The following ZCCHC7 variants were observed in gnomAD, a reference collection of about 807,000 sequenced individuals.
ZCCHC7 encodes zinc finger CCHC-type containing 7, also known as zinc finger CCHC domain-containing protein 7.
Under a neutral mutation model 52.0 loss-of-function variants are expected in ZCCHC7, and 35 were observed. That is an observed-to-expected ratio of 0.67 (90% CI 0.51 to 0.89). The LOEUF is 0.89. Among genes scored for constraint, ZCCHC7 ranks in the 40% least tolerant of loss-of-function variants. ZCCHC7 has a pLI of 0.00. For missense variants in ZCCHC7, 574 were observed against 649.1 expected, an observed-to-expected ratio of 0.88 and a Z score of 1.26; for synonymous variants, 217 against 221.5, an observed-to-expected ratio of 0.98 and a Z score of 0.18.
chr9:37,287,210 T>G (rs975783362), intron 2 of ZCCHC7, among the ~76,000 whole-genome samples: 7 of 149,684 alleles, frequency 4.7e-5, no homozygotes, highest in Non-Finnish European at 8.9e-5. Context: ...TTTCTTTCTC[T>G]AGAAAAGTCT....
intron 2 of ZCCHC7, among the ~76,000 whole-genome samples, chr9:37,293,398 GA>G (rs1828628563): frequency 6.6e-6 from 1 of 152,158 alleles, no homozygotes; most frequent in Non-Finnish European, 1.5e-5. Context: ...GTAGCTTCCA[GA>G]TTGCTAGCTA....
intron 5 of ZCCHC7, among the ~76,000 whole-genome samples, chr9:37,316,901 A>C (rs986928856): frequency 1.3e-5 from 2 of 151,760 alleles, no homozygotes; most frequent in African/African-American, 4.8e-5. Flanking sequence ...CAATAGAAAA[A>C]AAATTGCAGG....
intron 7 of ZCCHC7, among the ~76,000 whole-genome samples, chr9:37,349,750 C>A (rs938970179): frequency 6.6e-6 from 1 of 152,032 alleles, no homozygotes; most frequent in Non-Finnish European, 1.5e-5. Flanking sequence ...TGAGTTCTTA[C>A]AAACACAATT....
chr9:37,337,086 T>C (rs1379036099), intron 6 of ZCCHC7, among the ~76,000 whole-genome samples: 1 of 152,166 alleles, frequency 6.6e-6, no homozygotes, highest in East Asian at 1.9e-4. Context: ...TAATGAACTT[T>C]CTGATGGGTG....
At chr9:37,168,316 A>G (rs918882687) in intron 2 of ZCCHC7, among the ~76,000 whole-genome samples, 1 of 152,002 alleles carries the variant, frequency 6.6e-6, no homozygotes, top group African/African-American at 2.4e-5. Context: ...GGGAAATCTG[A>G]TCCCTGTTAA....
At chr9:37,284,944 A>G (rs1005943704) in intron 2 of ZCCHC7, among the ~76,000 whole-genome samples, 4 of 152,170 alleles carry the variant, frequency 2.6e-5, no homozygotes, top group Admixed American at 2.6e-4. Context: ...TCATATTTCT[A>G]TGTACAAATT....
chr9:37,211,532 AAGT>A (rs1386630934), intron 2 of ZCCHC7, among the ~76,000 whole-genome samples: 1 of 152,104 alleles, frequency 6.6e-6, no homozygotes, highest in Admixed American at 6.5e-5. Flanking sequence ...TAATGCAGAT[AAGT>A]AGTATGTTTT....
Position 37,200,176 on chromosome 9 carries a change from CTT to C in ZCCHC7, c.610+73236_610+73237del, listed in dbSNP as rs369048857. On this transcript the variant is annotated intron_variant, in intron 2 of 8. Coordinates refer to ENST00000336755, the MANE Select transcript of ZCCHC7 (RefSeq NM_032226.3). ...ACTTTGTTTTTCTAATTTCCTCTCTCTTTGTTATCTTTTTCTGTTTTCTTCTC... is the reference window on the plus strand; with the variant it reads ...ACTTTGTTTTTCTAATTTCCTCTCTCTGTTATCTTTTTCTGTTTTCTTCTC... Among the ~76,000 whole-genome samples the C allele has an allele frequency of 5.4e-3, 814 of 151,882 alleles. 5 individuals are homozygous for C. Among genetic ancestry groups the C allele is most frequent in the African/African-American group, 0.019 (764 of 41,252 alleles).
chr9:37,197,281 C>G (rs1212813090), intron 2 of ZCCHC7, among the ~76,000 whole-genome samples: 2 of 152,138 alleles, frequency 1.3e-5, no homozygotes, highest in African/African-American at 4.8e-5. Context: ...AATTCATGTC[C>G]TGGAAGCAGC....
intron 2 of ZCCHC7, among the ~76,000 whole-genome samples, chr9:37,210,335 A>T (rs568534099): frequency 1.3e-5 from 2 of 152,334 alleles, no homozygotes; most frequent in South Asian, 4.1e-4. Flanking sequence ...AAGAGGCTGT[A>T]CTTTTTCAGT....
At chr9:37,322,661 A>T (rs994126367) in intron 5 of ZCCHC7, among the ~76,000 whole-genome samples, 2 of 149,960 alleles carry the variant, frequency 1.3e-5, no homozygotes, top group Non-Finnish European at 3.0e-5. Flanking sequence ...TACATTGCAC[A>T]TACTAGATGC....
intron 2 of ZCCHC7, among the ~76,000 whole-genome samples, chr9:37,269,273 G>A (rs1827269847): frequency 6.6e-6 from 1 of 152,226 alleles, no homozygotes; most frequent in South Asian, 2.1e-4. Context: ...AGTATATGAA[G>A]CAGGGGTTAT....
intron 2 of ZCCHC7, among the ~76,000 whole-genome samples, chr9:37,144,387 A>G (rs971040030): frequency 2.6e-5 from 4 of 151,938 alleles, no homozygotes; most frequent in African/African-American, 9.7e-5. Context: ...TTTCAGGCAG[A>G]TTTATATCAT....
At chr9:37,153,703 G>A (rs535916083) in intron 2 of ZCCHC7, among the ~76,000 whole-genome samples, 12 of 150,798 alleles carry the variant, frequency 8.0e-5, no homozygotes, top group African/African-American at 2.7e-4. Context: ...AAAGCACTTC[G>A]TTACTTCCTG....
intron 7 of ZCCHC7, among the ~76,000 whole-genome samples, chr9:37,352,909 C>T (rs1364623053): frequency 6.6e-6 from 1 of 151,894 alleles, no homozygotes; most frequent in African/African-American, 2.4e-5. Flanking sequence ...CTAAATAATC[C>T]AGGTAGTCAC....
intron 2 of ZCCHC7, among the ~76,000 whole-genome samples, chr9:37,207,750 C>A (rs1279081486): frequency 5.3e-5 from 8 of 152,048 alleles, no homozygotes; most frequent in Admixed American, 4.6e-4. Context: ...TTAGCCCATT[C>A]AGTGATTTTT....
chr9:37,250,325 G>T (rs1826271050), intron 2 of ZCCHC7, among the ~76,000 whole-genome samples: 1 of 146,358 alleles, frequency 6.8e-6, no homozygotes. Flanking sequence ...TTTTGAGATG[G>T]AGTTTTTGCT....
intron 2 of ZCCHC7, chr9:37,160,235 T>TA (rs1284496932): frequency 6.6e-6 from 1 of 152,208 alleles, no homozygotes; most frequent in Non-Finnish European, 1.5e-5. Context: ...TGACTAGCCT[T>TA]AAAAAGGCTC....
At chr9:37,319,640 G>A (rs1829973804) in intron 5 of ZCCHC7, among the ~76,000 whole-genome samples, 1 of 152,026 alleles carries the variant, frequency 6.6e-6, no homozygotes, top group Admixed American at 6.5e-5. Context: ...TGCCCAGGCT[G>A]GTCTTGAACT....
Sources: allele counts gnomAD v4.1 joint callset (sites outside exome capture counted in the v4.1 genomes callset), GRCh38; gene constraint gnomAD v4.1.1; transcripts MANE v1.5; gene names NCBI Gene and HGNC (gene_info 2026-07-23, HGNC 2026-07-21).